TTC28: variants seen among roughly 807,000 people sequenced by gnomAD.
TTC28 encodes the protein tetratricopeptide repeat domain 28, also known as tetratricopeptide repeat protein 28.
In TTC28, 61 loss-of-function variants were observed where a neutral mutation model predicts 198.0. The observed-to-expected ratio is 0.31, with a 90% CI of 0.25 to 0.38. The LOEUF is 0.38. Ranked by LOEUF, TTC28 falls within the 10% of genes least tolerant of loss-of-function variation. The probability of loss-of-function intolerance (pLI) is 1.00; values close to 1 mark genes in which losing one functional copy is unlikely to be tolerated. For synonymous variants in TTC28, 1,171 were observed against 1,297.8 expected (o/e 0.90, Z 2.10); for missense variants, 2,678 against 3,164.0 (o/e 0.85, Z 3.69).
chr22:28,620,414 A>G (rs569959061), intron 2 of TTC28, among the ~76,000 whole-genome samples: 1 of 152,294 alleles, frequency 6.6e-6, no homozygotes, highest in East Asian at 1.9e-4. Flanking sequence ...GGTTCAGCTT[A>G]CATAATTCTG....
intron 2 of TTC28, among the ~76,000 whole-genome samples, chr22:28,537,299 AAAAT>A (rs2049305609): frequency 9.6e-6 from 1 of 103,682 alleles, no homozygotes; most frequent in Admixed American, 8.8e-5. Flanking sequence ...TCTCAAAAAT[AAAAT>A]AAAATAAAAT....
intron 5 of TTC28, among the ~76,000 whole-genome samples, chr22:28,201,040 T>A (rs1471652146): frequency 6.6e-6 from 1 of 152,184 alleles, no homozygotes; most frequent in Non-Finnish European, 1.5e-5. Context: ...TTATGTCCAT[T>A]GGCTCACTTG....
chr22:28,518,059 T>G (rs1297993411), intron 2 of TTC28, among the ~76,000 whole-genome samples: 3 of 152,056 alleles, frequency 2.0e-5, no homozygotes, highest in Admixed American at 1.3e-4. Context: ...TTTCTGCAGT[T>G]TTTAGAGAGG....
intron 1 of TTC28, among the ~76,000 whole-genome samples, chr22:28,658,448 T>A (rs1317528099): frequency 6.6e-6 from 1 of 152,222 alleles, no homozygotes; most frequent in East Asian, 1.9e-4. Flanking sequence ...TGCTTTGGGT[T>A]CACAAACAGA....
intron 1 of TTC28, among the ~76,000 whole-genome samples, chr22:28,648,004 C>A (rs2051499053): frequency 6.6e-6 from 1 of 151,892 alleles, no homozygotes; most frequent in Admixed American, 6.6e-5. Flanking sequence ...GCGGGCGGAT[C>A]ATGAGGTCAG....
chr22:28,333,217 A>T (rs893416366), intron 2 of TTC28, among the ~76,000 whole-genome samples: 7 of 152,140 alleles, frequency 4.6e-5, no homozygotes, highest in East Asian at 1.9e-4. Context: ...CCAATTTTTT[A>T]AAAAACTGGA....
intron 2 of TTC28, among the ~76,000 whole-genome samples, chr22:28,590,034 C>CAAAAAAAAAAAAAAAAAAAAAAAAAA (rs71194779): frequency 7.3e-5 from 5 of 68,076 alleles, no homozygotes; most frequent in African/African-American, 1.0e-4. Flanking sequence ...AAGACTCCAT[C>CAAAAAAAAAAAAAAAAAAAAAAAAAA]AAAAAAAAAA....
chr22:28,168,219 T>G (rs1406579039), intron 5 of TTC28, among the ~76,000 whole-genome samples: 3 of 152,146 alleles, frequency 2.0e-5, no homozygotes, highest in Non-Finnish European at 2.9e-5. Flanking sequence ...ATAGGAAGAA[T>G]CAATATCGTG....
intron 1 of TTC28, among the ~76,000 whole-genome samples, chr22:28,651,462 C>T (rs1391271494): frequency 6.6e-6 from 1 of 152,164 alleles, no homozygotes; most frequent in African/African-American, 2.4e-5. Flanking sequence ...TTCGCCTAGG[C>T]TGGAGTACAG....
intron 2 of TTC28, among the ~76,000 whole-genome samples, chr22:28,513,767 T>C (rs570014693): frequency 3.3e-5 from 5 of 152,244 alleles, no homozygotes; most frequent in Admixed American, 6.5e-5. Flanking sequence ...AATATACATA[T>C]ATCTATACAG....
At chr22:28,627,879 T>C (rs894595930) in intron 2 of TTC28, among the ~76,000 whole-genome samples, 1 of 152,088 alleles carries the variant, frequency 6.6e-6, no homozygotes, top group African/African-American at 2.4e-5. Context: ...AGAAGACCTA[T>C]CAGAGTCAAA....
intron 2 of TTC28, among the ~76,000 whole-genome samples, chr22:28,485,625 G>C (rs867704009): frequency 2.0e-5 from 3 of 151,898 alleles, no homozygotes; most frequent in South Asian, 2.1e-4. Context: ...CTGTGGGGTG[G>C]GGAAAAAATG....
chr22:28,152,936 T>A (rs1943644502), intron 6 of TTC28, among the ~76,000 whole-genome samples: 2 of 152,166 alleles, frequency 1.3e-5, no homozygotes, highest in Admixed American at 6.5e-5. Context: ...AGTAATTTTT[T>A]AAAAATTTTT....
At chr22:27,991,838 C>T (rs1490203682) in intron 19 of TTC28, among the ~76,000 whole-genome samples, 3 of 152,176 alleles carry the variant, frequency 2.0e-5, no homozygotes, top group East Asian at 1.9e-4. Flanking sequence ...AACTGGAACC[C>T]GCCGAACTCC....
chr22:28,152,941 A>T (rs986013001), intron 6 of TTC28, among the ~76,000 whole-genome samples: 6 of 152,150 alleles, frequency 3.9e-5, no homozygotes, highest in African/African-American at 1.4e-4. Context: ...TTTTTTAAAA[A>T]TTTTTATTTA....
At chr22:28,617,764 C>G (rs1316848821) in intron 2 of TTC28, among the ~76,000 whole-genome samples, 1 of 152,158 alleles carries the variant, frequency 6.6e-6, no homozygotes, top group Non-Finnish European at 1.5e-5. Flanking sequence ...ATGCAAAGAA[C>G]CCCAGCAAAA....
chr22:28,008,545 C>G (rs1938014355), intron 14 of TTC28: 1 of 152,106 alleles, frequency 6.6e-6, no homozygotes, highest in Non-Finnish European at 1.5e-5. Flanking sequence ...AATTTAAATA[C>G]AGGAAACAGG....
chr22:28,314,371 T>C (rs1439159401), intron 2 of TTC28, among the ~76,000 whole-genome samples: 1 of 152,122 alleles, frequency 6.6e-6, no homozygotes, highest in Non-Finnish European at 1.5e-5. Context: ...TACTTTAAAG[T>C]TCATATGGAA....
chr22:28,387,881 G>C (rs2046638007), intron 2 of TTC28, among the ~76,000 whole-genome samples: 1 of 152,178 alleles, frequency 6.6e-6, no homozygotes, highest in Non-Finnish European at 1.5e-5. Context: ...GGCTTTGGTT[G>C]CCATTGCTTT....
Sources: allele counts gnomAD v4.1 joint callset (sites outside exome capture counted in the v4.1 genomes callset), GRCh38; gene constraint gnomAD v4.1.1; transcripts MANE v1.5; gene names NCBI Gene and HGNC (gene_info 2026-07-23, HGNC 2026-07-21).